LRMDA: variants seen among roughly 807,000 people sequenced by gnomAD.
The protein encoded by LRMDA is leucine rich melanocyte differentiation associated, also known as leucine-rich melanocyte differentiation-associated protein.
A neutral mutation model predicts 29.8 loss-of-function variants in LRMDA; 18 were observed. That is an observed-to-expected ratio of 0.60 (90% CI 0.42 to 0.90). LRMDA has a LOEUF of 0.90. Among genes scored for constraint, LRMDA ranks in the 40% least tolerant of loss-of-function variants. The pLI is 0.00. For synonymous variants in LRMDA, 125 were observed against 109.4 expected, an observed-to-expected ratio of 1.14 and a Z score of -0.89; for missense variants, 273 against 273.9, an observed-to-expected ratio of 1.00 and a Z score of 0.02.
chr10:76,447,299 TCTTTTA>T (rs1351898065), intron 6 of LRMDA, among the ~76,000 whole-genome samples: 4 of 152,202 alleles, frequency 2.6e-5, no homozygotes, highest in Admixed American at 1.3e-4. Context: ...AAGGATATTA[TCTTTTA>T]CTTTAAGTAT....
rs1589236799 is a variant in LRMDA, at chr10:76,557,407, A to G, written c.*119A>G. The G allele has an allele frequency of 1.2e-6, 1 of 820,948 alleles. No homozygotes were observed. The highest frequency in any genetic ancestry group is 1.7e-5 in the African/African-American group (1 of 58,184). 50.9% of individuals were successfully genotyped at this position (820,948 alleles called of 1,614,324 possible). On this transcript the variant is annotated 3_prime_UTR_variant, in exon 7 of 7. Transcript: ENST00000611255. ...ACATTGCCTCTCTTTGGGAAAAGCT[A>G]TGACTTCAGCTTTTGGTACCTTCCG...
intron 5 of LRMDA, among the ~76,000 whole-genome samples, chr10:76,118,047 G>A (rs889642030): frequency 2.0e-5 from 3 of 152,224 alleles, no homozygotes; most frequent in African/African-American, 7.2e-5. Context: ...GAGCCATGCT[G>A]TTGTGGAGGT....
rs72809493 is a variant in LRMDA at position 75,747,193 on chromosome 10, C to T, written c.132-288815C>T. 9.4e-3 allele frequency among the ~76,000 whole-genome samples: 1,432 copies of T among 152,038 alleles called. 12 individuals are homozygous for T. The highest frequency in any genetic ancestry group is 0.015 in the Non-Finnish European group (1,020 of 67,990). ...TGCTTTATTATGTAATTTAATTTTT[C>T]GTATCTTTTATTAGCTGTAAAGTAG... On this transcript the variant is annotated intron_variant, in intron 2 of 6. Transcript: ENST00000611255.
rs1554840193 is a variant in LRMDA at position 76,007,019 on chromosome 10, T to TGTGTGTGTGC, written c.132-28980_132-28979insCGTGTGTGTG. Among the ~76,000 whole-genome samples the TGTGTGTGTGC allele has an allele frequency of 8.5e-5, 11 of 129,988 alleles. 1 individual carries two copies. Among genetic ancestry groups the TGTGTGTGTGC allele is most frequent in the African/African-American group, 3.7e-4 (10 of 27,220 alleles). 85.3% of individuals were successfully genotyped at this position (129,988 alleles called of 152,430 possible). ...GTGTGTGTGTGTGTGTGTGTGTGTG[T>TGTGTGTGTGC]GTGTGTGTGTGTGCGCGTGTGTGTT... On this transcript the variant is annotated intron_variant, in intron 2 of 6. Transcript: ENST00000611255.
intron 5 of LRMDA, chr10:76,270,360 G>C (rs1398143497): frequency 6.6e-6 from 1 of 152,230 alleles, no homozygotes; most frequent in African/African-American, 2.4e-5. Context: ...GGTGTATGGA[G>C]CATAGGGTTC....
chr10:76,554,388 G>A (rs1843529419), intron 6 of LRMDA, among the ~76,000 whole-genome samples: 1 of 152,178 alleles, frequency 6.6e-6, no homozygotes, highest in Admixed American at 6.5e-5. Context: ...TCACCACACA[G>A]CCCCTTTGTT....
intron 6 of LRMDA, among the ~76,000 whole-genome samples, chr10:76,537,050 T>TA (rs1843298958): frequency 6.6e-6 from 1 of 152,222 alleles, no homozygotes; most frequent in Admixed American, 6.5e-5. Context: ...TCATACTTAT[T>TA]AAAAAATCAA....
chr10:75,893,073 G>C (rs571450784), intron 2 of LRMDA, among the ~76,000 whole-genome samples: 1 of 152,194 alleles, frequency 6.6e-6, no homozygotes, highest in African/African-American at 2.4e-5. Flanking sequence ...GGTTCACTGG[G>C]TTGGACTCGT....
rs1173850604 is a variant in LRMDA, at chr10:76,402,497, G to A, written c.601+78012G>A. Reference sequence around the variant, plus strand: ...CTTCTGAGTAGCTGGGACTACAGGCGTGTGTCACCACTCCTGGCTAATTTT... The same window carrying A: ...CTTCTGAGTAGCTGGGACTACAGGCATGTGTCACCACTCCTGGCTAATTTT... On this transcript the variant is annotated intron_variant, in intron 6 of 6. Transcript: ENST00000611255. 2.6e-5 allele frequency among the ~76,000 whole-genome samples: 4 copies of A among 152,138 alleles called. No individual in the cohort carries two copies. The East Asian group carries it at 5.8e-4, about 22-fold the overall frequency.
At chr10:76,158,015 T>C in intron 5 of LRMDA, among the ~76,000 whole-genome samples, 1 of 152,090 alleles carries the variant, frequency 6.6e-6, no homozygotes, top group East Asian at 1.9e-4. Context: ...GATATTATAA[T>C]CCTATGGGAC....
chr10:75,449,478 C>T (rs1844434235), intron 2 of LRMDA, among the ~76,000 whole-genome samples: 1 of 151,100 alleles, frequency 6.6e-6, no homozygotes, highest in African/African-American at 2.4e-5. Context: ...AAGACAGCTA[C>T]TGCCAAGCCT....
intron 5 of LRMDA, chr10:76,260,914 T>C (rs1318860189): frequency 1.3e-5 from 2 of 152,150 alleles, no homozygotes; most frequent in Admixed American, 6.5e-5. Context: ...TTTTAAGAAA[T>C]AAATTTTGAT....
At chr10:76,053,692 A>G (rs899154859) in intron 4 of LRMDA, among the ~76,000 whole-genome samples, 2 of 152,202 alleles carry the variant, frequency 1.3e-5, no homozygotes, top group Non-Finnish European at 2.9e-5. Context: ...GGGCAAGAAG[A>G]TCTGGCAGAC....
At chr10:76,555,766 C>CAAAAAAAAA (rs60428922) in intron 6 of LRMDA, among the ~76,000 whole-genome samples, 2 of 124,834 alleles carry the variant, frequency 1.6e-5, no homozygotes, top group African/African-American at 2.9e-5. Flanking sequence ...ACAAATTAAC[C>CAAAAAAAAA]AAAAAAAAAA....
At chr10:75,474,100 C>T (rs1222115050) in intron 2 of LRMDA, among the ~76,000 whole-genome samples, 1 of 152,170 alleles carries the variant, frequency 6.6e-6, no homozygotes, top group Non-Finnish European at 1.5e-5. Flanking sequence ...ATACACTGTT[C>T]CTCCCACTCC....
At chr10:76,469,164 T>C (rs912941346) in intron 6 of LRMDA, among the ~76,000 whole-genome samples, 4 of 152,172 alleles carry the variant, frequency 2.6e-5, no homozygotes, top group Non-Finnish European at 4.4e-5. Context: ...CCCCGCAGCT[T>C]ACTTTGAAGG....
intron 2 of LRMDA, among the ~76,000 whole-genome samples, chr10:75,923,530 G>A (rs887931195): frequency 1.3e-5 from 2 of 152,152 alleles, no homozygotes; most frequent in Non-Finnish European, 2.9e-5. Context: ...ATAAATCTCA[G>A]TCTCCGATCC....
At chr10:75,698,399 A>G (rs1296040703) in intron 2 of LRMDA, among the ~76,000 whole-genome samples, 1 of 152,234 alleles carries the variant, frequency 6.6e-6, no homozygotes, top group Non-Finnish European at 1.5e-5. Context: ...TACCCAGGGA[A>G]TATCTCATTA....
intron 6 of LRMDA, among the ~76,000 whole-genome samples, chr10:76,458,246 A>G (rs1283095422): frequency 6.6e-6 from 1 of 152,100 alleles, no homozygotes; most frequent in Non-Finnish European, 1.5e-5. Flanking sequence ...TGGGTTGTTG[A>G]ATTTTATGTG....
Sources: allele counts gnomAD v4.1 joint callset (sites outside exome capture counted in the v4.1 genomes callset), GRCh38; gene constraint gnomAD v4.1.1; transcripts MANE v1.5; gene names NCBI Gene and HGNC (gene_info 2026-07-23, HGNC 2026-07-21).